The following ZPBP variants were observed in gnomAD, a reference collection of about 807,000 sequenced individuals.
ZPBP encodes the protein zona pellucida binding protein.
ZPBP carries 26 observed loss-of-function variants against 44.8 expected under a neutral mutation model. The observed-to-expected ratio is 0.58, with a 90% CI of 0.43 to 0.81. The LOEUF (loss-of-function observed/expected upper bound fraction) is 0.81, where lower values mean the gene tolerates loss of function less well. Ranked by LOEUF, ZPBP falls within the 30% of genes least tolerant of loss-of-function variation. The pLI is 0.00. For synonymous variants in ZPBP, 174 were observed against 153.2 expected, an observed-to-expected ratio of 1.14 and a Z score of -1.00; for missense variants, 409 against 434.0, an observed-to-expected ratio of 0.94 and a Z score of 0.51.
intron 1 of ZPBP, chr7:49,913,237 T>C (rs55865802): frequency 0.21 from 32,098 of 152,108 alleles, 4,520 homozygotes; most frequent in East Asian, 0.63. Context: ...AGCAGTTATT[T>C]TGTTAAAACA....
chr7:49,994,605 T>C (rs1331837701), intron 6 of ZPBP, among the ~76,000 whole-genome samples: 1 of 152,198 alleles, frequency 6.6e-6, no homozygotes, highest in East Asian at 1.9e-4. Flanking sequence ...CAATATTTCC[T>C]AAGGCCCTGT....
intron 7 of ZPBP, among the ~76,000 whole-genome samples, chr7:49,982,893 T>C (rs1392924947): frequency 6.6e-6 from 1 of 151,956 alleles, no homozygotes; most frequent in Non-Finnish European, 1.5e-5. Context: ...GCTCAGATCC[T>C]GTAGTGCTAG....
chr7:49,959,931 C>T (rs985014721), intron 7 of ZPBP, among the ~76,000 whole-genome samples: 2 of 152,134 alleles, frequency 1.3e-5, no homozygotes, highest in African/African-American at 4.8e-5. Context: ...TACAAAATTG[C>T]AGTCAGCTGA....
intron 2 of ZPBP, among the ~76,000 whole-genome samples, chr7:49,877,757 G>T (rs1187447349): frequency 1.3e-5 from 2 of 150,402 alleles, no homozygotes; most frequent in Non-Finnish European, 3.0e-5. Flanking sequence ...GGTGTCAGCT[G>T]CTTTTATCTA....
downstream of ZPBP, chr7:49,937,422 AT>A (rs1480067294): frequency 6.8e-6 from 6 of 884,620 alleles, no homozygotes; most frequent in East Asian, 5.4e-5. Flanking sequence ...ATGATGACAC[AT>A]TTTTTTGTAA....
chr7:50,035,375 C>A (rs969957041), intron 4 of ZPBP, among the ~76,000 whole-genome samples: 3 of 152,216 alleles, frequency 2.0e-5, no homozygotes, highest in African/African-American at 7.2e-5. Flanking sequence ...CACTGCCTTG[C>A]TTTCTACTAA....
chr7:49,975,891 T>C (rs969083072), intron 7 of ZPBP, among the ~76,000 whole-genome samples: 9 of 152,190 alleles, frequency 5.9e-5, no homozygotes, highest in Non-Finnish European at 1.3e-4. Context: ...TTTGTTCCAA[T>C]TGTACTTTTT....
downstream of ZPBP, among the ~76,000 whole-genome samples, chr7:49,933,698 T>C (rs1794527835): frequency 6.6e-6 from 1 of 152,086 alleles, no homozygotes; most frequent in Non-Finnish European, 1.5e-5. Flanking sequence ...GTGGCACATA[T>C]ACACCATGGA....
intron 2 of ZPBP, among the ~76,000 whole-genome samples, chr7:49,895,374 A>AATATT (rs1792332500): frequency 1.3e-5 from 2 of 152,206 alleles, no homozygotes; most frequent in Non-Finnish European, 2.9e-5. Flanking sequence ...CCAGGGGGAC[A>AATATT]CCAATATTCA....
At chr7:49,907,175 T>C (rs2128740275) in intron 1 of ZPBP, among the ~76,000 whole-genome samples, 1 of 152,174 alleles carries the variant, frequency 6.6e-6, no homozygotes, top group Non-Finnish European at 1.5e-5. Context: ...AATGAGGAAA[T>C]AATTTGCTTA....
chr7:49,994,875 T>C (rs752381064), intron 6 of ZPBP, among the ~76,000 whole-genome samples: 1 of 152,116 alleles, frequency 6.6e-6, no homozygotes, highest in East Asian at 1.9e-4. Flanking sequence ...CTAGCAGCTA[T>C]CAGGTGACTA....
In ZPBP at chr7:49,877,475, AAAAAAAATATATAT is replaced by A. The variant is rs1484520913; in HGVS notation, n.509+23629_509+23642del. On this transcript the variant is annotated intron_variant and non_coding_transcript_variant, in intron 2 of 2. Transcript: ENST00000465922. ...GAAACTCTGTCTCAAAAAAAAAAAA[AAAAAAAATATATAT>A]ATATATATATATATATATATATATA... 6.1e-4 allele frequency among the ~76,000 whole-genome samples: 11 copies of A among 18,008 alleles called. 2 individuals are homozygous for A. In the East Asian group the frequency reaches 6.6e-3, roughly 11 times the overall value. The allele number at this position is 18,008 out of a possible 152,430, so 11.8% of individuals were successfully genotyped here.
At chr7:49,909,625 CTGG>C (rs1450519278) in intron 1 of ZPBP, among the ~76,000 whole-genome samples, 1 of 152,146 alleles carries the variant, frequency 6.6e-6, no homozygotes, top group Non-Finnish European at 1.5e-5. Flanking sequence ...CATCATAAAT[CTGG>C]TGTTTTCAGG....
rs35784620 is a variant in ZPBP, at chr7:49,999,270, G to GTATA, written c.784-15755_784-15752dup. ...TATATATATTTTTATATATGTGTGT[G>GTATA]TATATATATATACTATATATATCAT... On this transcript the variant is annotated intron_variant, in intron 6 of 7. Coordinates refer to ENST00000046087, the MANE Select transcript of ZPBP (RefSeq NM_007009.3). 6.8e-4 allele frequency among the ~76,000 whole-genome samples: 100 copies of GTATA among 147,904 alleles called. 1 individual carries two copies. The highest frequency in any genetic ancestry group is 3.6e-3 in the Middle Eastern group (1 of 278).
At chr7:49,943,584 T>G (rs1330073351) in intron 7 of ZPBP, 1 of 372,992 alleles carries the variant, frequency 2.7e-6, no homozygotes, top group African/African-American at 2.2e-5. Flanking sequence ...CAGTAAGACT[T>G]GCATGGAAAG....
chr7:50,079,427 CTAAG>C (rs1288321585), intron 3 of ZPBP, among the ~76,000 whole-genome samples: 1 of 151,396 alleles, frequency 6.6e-6, no homozygotes, highest in African/African-American at 2.4e-5. Context: ...ATTCACTGTG[CTAAG>C]TAAAATAAGG....
intron 7 of ZPBP, among the ~76,000 whole-genome samples, chr7:49,952,132 G>A (rs1795369387): frequency 6.6e-6 from 1 of 151,814 alleles, no homozygotes; most frequent in African/African-American, 2.4e-5. Flanking sequence ...AAATGTTTTG[G>A]AATTTGGTAG....
At chr7:50,048,491 C>G (rs1383558904) in intron 4 of ZPBP, among the ~76,000 whole-genome samples, 1 of 151,882 alleles carries the variant, frequency 6.6e-6, no homozygotes, top group Non-Finnish European at 1.5e-5. Flanking sequence ...TGAAATAATC[C>G]AAATTATTTT....
At chr7:50,001,716 C>T (rs1007016916) in intron 6 of ZPBP, among the ~76,000 whole-genome samples, 1 of 152,110 alleles carries the variant, frequency 6.6e-6, no homozygotes, top group Non-Finnish European at 1.5e-5. Flanking sequence ...TACCTTACTA[C>T]CTTGAAAAAG....
Sources: allele counts gnomAD v4.1 joint callset (sites outside exome capture counted in the v4.1 genomes callset), GRCh38; gene constraint gnomAD v4.1.1; transcripts MANE v1.5; gene names NCBI Gene and HGNC (gene_info 2026-07-23, HGNC 2026-07-21).